Variants in PKHD1 observed in about 807,000 individuals in gnomAD.
PKHD1 encodes the protein PKHD1 ciliary IPT domain containing fibrocystin/polyductin.
Under a neutral mutation model 412.0 loss-of-function variants are expected in PKHD1, and 291 were observed. The observed-to-expected ratio is 0.71, with a 90% CI of 0.64 to 0.78. PKHD1 has a LOEUF of 0.78. Among genes scored for constraint, PKHD1 ranks in the 30% least tolerant of loss-of-function variants. The pLI, the probability that PKHD1 is intolerant of heterozygous loss-of-function variation, is 0.00. For synonymous variants in PKHD1, 1,777 were observed against 1,821.5 expected (o/e 0.98, Z 0.62); for missense variants, 4,825 against 4,950.7 (o/e 0.97, Z 0.76).
chr6:51,667,362 C>A (rs1232842627), intron 60 of PKHD1, among the ~76,000 whole-genome samples: 1,133 of 121,366 alleles, frequency 9.3e-3, no homozygotes, highest in South Asian at 0.015. Context: ...AGTGTCTGTT[C>A]ATGTCCTTTG....
intron 39 of PKHD1, among the ~76,000 whole-genome samples, chr6:51,909,969 A>G (rs1782706236): frequency 6.6e-6 from 1 of 152,142 alleles, no homozygotes; most frequent in South Asian, 2.1e-4. Context: ...CAGAAATGTC[A>G]AAGGACTCCA....
intron 14 of PKHD1, among the ~76,000 whole-genome samples, chr6:52,060,823 A>G (rs1329101205): frequency 2.6e-5 from 4 of 152,272 alleles, no homozygotes; most frequent in East Asian, 3.9e-4. Flanking sequence ...AGCTTCAAAC[A>G]TAACTACTTT....
chr6:51,816,795 G>A (rs560889872), intron 52 of PKHD1, among the ~76,000 whole-genome samples: 1 of 152,222 alleles, frequency 6.6e-6, no homozygotes, highest in African/African-American at 2.4e-5. Context: ...CCACATGGCT[G>A]CACGAGAGCC....
Position 51,659,347 on chromosome 6 carries a change from G to A in PKHD1, c.10779C>T (p.Asn3593=). The change falls in exon 61 of 67, where the codon AAC becomes AAT. Residue 3593 remains asparagine, a synonymous_variant. Transcript: ENST00000371117. ...RLTNFLQIGQ[N]QIRFIHEMPG... is the part of the protein sequence containing the mutation. ...GCATCTCGTGAATAAACCTGATTTGGTTTTGGCCAATCTGTAAGAAGTTAG... is the reference window on the plus strand; with the variant it reads ...GCATCTCGTGAATAAACCTGATTTGATTTTGGCCAATCTGTAAGAAGTTAG... The A allele has an allele frequency of 6.2e-7, 1 of 1,613,816 alleles. No homozygotes were observed. The highest frequency in any genetic ancestry group is 8.5e-7 in the Non-Finnish European group (1 of 1,179,888).
At chr6:52,017,246 T>C (rs1800677793) in intron 34 of PKHD1, among the ~76,000 whole-genome samples, 164 bp downstream of exon 34, 1 of 152,228 alleles carries the variant, frequency 6.6e-6, no homozygotes, top group South Asian at 2.1e-4. Context: ...TGCTTTGATA[T>C]GCAGGCTGGC....
At position 52,083,162 on chromosome 6, in the gene PKHD1, T is replaced by C. The variant is rs1812286661; in HGVS notation, c.130+16A>G. On this transcript the variant is annotated intron_variant, in intron 3 of 66. Coordinates refer to ENST00000371117, the MANE Select transcript of PKHD1 (RefSeq NM_138694.4). ...CAATACATAAGAAATGTGCACTTGG[T>C]AAAACCCCAACCTACCATCAAAAAT... The C allele has an allele frequency of 4.5e-6, 7 of 1,558,254 alleles. No homozygotes were observed. In the East Asian group the frequency reaches 1.6e-4, roughly 35 times the overall value.
At chr6:51,788,535 C>T (rs1378228829) in intron 53 of PKHD1, among the ~76,000 whole-genome samples, 1 of 151,716 alleles carries the variant, frequency 6.6e-6, no homozygotes, top group Non-Finnish European at 1.5e-5. Context: ...GTGTTTATTC[C>T]TATAGTTCCT....
At chr6:51,912,324 C>T in intron 38 of PKHD1, 42 bp downstream of exon 38, 1 of 1,244,584 alleles carries the variant, frequency 8.0e-7, no homozygotes, top group Non-Finnish European at 1.2e-6. Context: ...GTTAAGATCT[C>T]ATCTTCTTCC....
chr6:51,740,078 C>T (rs1332843576), intron 60 of PKHD1: 11 of 513,508 alleles, frequency 2.1e-5, no homozygotes, highest in East Asian at 1.1e-4. Flanking sequence ...GAAATCCTTT[C>T]GAGAATAAAA....
At position 52,058,339 on chromosome 6, in the gene PKHD1, C is replaced by T; in HGVS notation, c.1496G>A (p.Arg499Lys). 2 of 1,614,188 alleles carry T rather than the reference C, an allele frequency of 1.2e-6. No individual in the cohort carries two copies. Among genetic ancestry groups the T allele is most frequent in the South Asian group, 1.1e-5 (1 of 91,084 alleles). The stretch of plus-strand genomic sequence containing the variant: ...GACACAGACCTGTACTTCTGGAAGC[C>T]TCTGGGCTCGGACTCGGATCTGGTG... ...EKHQIRVRAQ[R>K]LPEVQVLNVS... is the part of the protein sequence containing the mutation. The change falls in exon 16 of 67, where the codon AGG (arginine) becomes AAG (lysine). Residue 499 changes from arginine (R) to lysine (K), a missense_variant. Coordinates refer to ENST00000371117, the MANE Select transcript of PKHD1 (RefSeq NM_138694.4).
At chr6:51,885,316 C>T (rs904461007) in intron 45 of PKHD1, among the ~76,000 whole-genome samples, 1 of 152,060 alleles carries the variant, frequency 6.6e-6, no homozygotes, top group South Asian at 2.1e-4. Flanking sequence ...GAAAATTTAG[C>T]TTATTTCTTC....
At chr6:51,844,198 A>G (rs76897319) in intron 50 of PKHD1, among the ~76,000 whole-genome samples, 2,951 of 152,304 alleles carry the variant, frequency 0.019, 74 homozygotes, top group East Asian at 0.08. Flanking sequence ...ACAAGTAAGT[A>G]TTTTCTTAAC....
At chr6:51,851,829 T>G (rs1010497581) in intron 49 of PKHD1, among the ~76,000 whole-genome samples, 5 of 151,214 alleles carry the variant, frequency 3.3e-5, no homozygotes, top group Non-Finnish European at 7.4e-5. Flanking sequence ...GGTCTATCTA[T>G]TTTGTTAATT....
rs551856342 is a variant in PKHD1, at chr6:51,702,062, CAT to C, written c.10157-42095_10157-42094del. On this transcript the variant is annotated intron_variant, in intron 60 of 66. Coordinates refer to ENST00000371117, the MANE Select transcript of PKHD1 (RefSeq NM_138694.4). ...TATACAAGAAAACTACTTGCACACA[CAT>C]GTTTATAGCAGCACAATTCACAATT... is the stretch of plus-strand genomic sequence containing the variant. 3.6e-3 allele frequency among the ~76,000 whole-genome samples: 542 copies of C among 149,128 alleles called. 1 individual carries two copies. The highest frequency in any genetic ancestry group is 7.5e-3 in the African/African-American group (304 of 40,588).
chr6:51,736,029 C>T (rs1783801330), intron 60 of PKHD1, among the ~76,000 whole-genome samples: 1 of 152,100 alleles, frequency 6.6e-6, no homozygotes. Context: ...ACATCAGTTC[C>T]CACACCTATA....
chr6:52,040,484 C>T (rs1426045061), intron 27 of PKHD1, among the ~76,000 whole-genome samples: 1 of 152,078 alleles, frequency 6.6e-6, no homozygotes, highest in African/African-American at 2.4e-5. Flanking sequence ...ACTTGAAATC[C>T]TCCAATGGCC....
At chr6:51,739,859 C>A (rs1784345635) in intron 60 of PKHD1, 1 of 316,550 alleles carries the variant, frequency 3.2e-6, no homozygotes, top group Admixed American at 3.2e-5. Context: ...CTGCTGCCTC[C>A]TGACACTGCT....
At chr6:51,802,526 G>A (rs9349599) in intron 52 of PKHD1, among the ~76,000 whole-genome samples, 1 of 151,576 alleles carries the variant, frequency 6.6e-6, no homozygotes, top group African/African-American at 2.4e-5. Flanking sequence ...ACATGTTACA[G>A]TTGGTGTTAA....
rs1297339846 is a variant in PKHD1, at chr6:51,721,127, G to C, written c.10156+23258C>G. 6 of 977,040 alleles carry C rather than the reference G, an allele frequency of 6.1e-6. No individual in the cohort carries two copies. The East Asian group carries it at 4.6e-4, about 74-fold the overall frequency. 60.5% of individuals were successfully genotyped at this position (977,040 alleles called of 1,614,324 possible). A position where few individuals can be genotyped will look rare whatever the true frequency, so the allele number is the denominator to read the frequency against. Reference sequence around the variant, plus strand: ...CATCAGTGCACAAGAATGGCACACTGTTCCAATAATGGAACACTGGGCACA... The same window carrying C: ...CATCAGTGCACAAGAATGGCACACTCTTCCAATAATGGAACACTGGGCACA... On this transcript the variant is annotated intron_variant, in intron 60 of 66. Transcript: ENST00000371117.
Sources: gnomAD v4.1 joint callset for allele counts (sites outside exome capture counted in the v4.1 genomes callset) on GRCh38, gnomAD v4.1.1 for gene constraint, MANE v1.5 for transcripts, NCBI Gene and HGNC (gene_info 2026-07-23, HGNC 2026-07-21) for gene names.